Variants in AFF4 observed in about 807,000 individuals in gnomAD.
AFF4 encodes the protein ALF transcription elongation factor 4.
A neutral mutation model predicts 124.8 loss-of-function variants in AFF4; 13 were observed. That is an observed-to-expected ratio of 0.10 (90% CI 0.07 to 0.17). The LOEUF (loss-of-function observed/expected upper bound fraction) is 0.17. AFF4 is among the 10% of genes least tolerant of loss of function. The probability of loss-of-function intolerance (pLI) is 1.00; values close to 1 mark genes in which losing one functional copy is unlikely to be tolerated. For missense variants in AFF4, 1,092 were observed against 1,403.8 expected (o/e 0.78, Z 3.55); for synonymous variants, 477 against 496.1 (o/e 0.96, Z 0.51).
At chr5:132,881,331 G>A in intron 20 of AFF4, 145 bp from the exon 21 acceptor site, 1 of 847,104 alleles carries the variant, frequency 1.2e-6, no homozygotes, top group Non-Finnish European at 1.8e-6. Flanking sequence ...ATGTTTTAGA[G>A]CAAATCATTC....
In AFF4 at chr5:132,897,134, G is replaced by A. The variant is rs1271215516; in HGVS notation, c.1496C>T (p.Ser499Phe). ...ASSVDSNIPS[S>F]QGYKKEGREQ... ...TCGGCCTTCCTTTTTGTAGCCTTGAGATGATGGGATGTTACTGTCCACTGA... is the reference window on the plus strand; with the variant it reads ...TCGGCCTTCCTTTTTGTAGCCTTGAAATGATGGGATGTTACTGTCCACTGA... Residue 499 changes from serine to phenylalanine, a missense_variant, in exon 11 of 21, where the codon TCT becomes TTT. Ser to Phe is a radical substitution (Grantham distance 155). Transcript: ENST00000265343. The A allele has an allele frequency of 4.3e-6, 7 of 1,614,054 alleles. No individual in the cohort carries two copies. The highest frequency in any genetic ancestry group is 1.6e-4 in the Middle Eastern group (1 of 6,082).
At chr5:132,920,357 T>A (rs1581304899) in intron 5 of AFF4, among the ~76,000 whole-genome samples, 1 of 58,690 alleles carries the variant, frequency 1.7e-5, no homozygotes, top group Non-Finnish European at 3.0e-5. Flanking sequence ...CGGGCAAACA[T>A]TTTTTTTTTT....
chr5:132,913,325 T>C (rs997833088), intron 5 of AFF4, among the ~76,000 whole-genome samples: 27 of 152,332 alleles, frequency 1.8e-4, no homozygotes, highest in African/African-American at 6.5e-4. Context: ...TCCAAAATTA[T>C]AGTTGGAGTT....
intron 4 of AFF4, 153 bp from the exon 5 acceptor site, chr5:132,927,360 C>T: frequency 4.8e-6 from 3 of 630,086 alleles, no homozygotes; most frequent in Non-Finnish European, 8.2e-6. Flanking sequence ...CAATTGTGTG[C>T]TAGGCACTAT....
At position 132,876,413 on chromosome 5, in the gene AFF4, A is replaced by G. The variant is rs1393905485; in HGVS notation, c.*4646T>C. The G allele has an allele frequency of 4.4e-6, 1 of 225,660 alleles. No homozygotes were observed. Among genetic ancestry groups the G allele is most frequent in the African/African-American group, 2.2e-5 (1 of 44,876 alleles). The allele number at this position is 225,660 out of a possible 1,614,324, so 14.0% of individuals were successfully genotyped here. A position where few individuals can be genotyped will look rare whatever the true frequency, so the allele number is the denominator to read the frequency against. On this transcript the variant is annotated 3_prime_UTR_variant, in exon 21 of 21. Coordinates refer to ENST00000265343, the MANE Select transcript of AFF4 (RefSeq NM_014423.4). ...AGAAAATTCCAATGGTTAAAAGCTG[A>G]AAAGAAGTCCCACATGGAAGCAGTA...
At chr5:132,935,809 GC>G (rs942364389) in intron 2 of AFF4, among the ~76,000 whole-genome samples, 4 of 150,946 alleles carry the variant, frequency 2.6e-5, no homozygotes, top group African/African-American at 9.7e-5. Flanking sequence ...TGTAATCCCA[GC>G]TACTCGAGAG....
At chr5:132,884,793 T>C (rs976001812) in intron 19 of AFF4, among the ~76,000 whole-genome samples, 7 of 152,116 alleles carry the variant, frequency 4.6e-5, no homozygotes, top group African/African-American at 1.7e-4. Flanking sequence ...CTGTGATAAG[T>C]CCAAGTAACT....
chr5:132,897,380 A>G lies in AFF4; in HGVS notation c.1390-140T>C. On this transcript the variant is annotated intron_variant, in intron 10 of 20. Coordinates refer to ENST00000265343, the MANE Select transcript of AFF4 (RefSeq NM_014423.4). ...AATGGTTCTCTATGAACCAAAGCAA[A>G]GGGCTGAGTATTGACTATTAGCTCT... is the stretch of plus-strand genomic sequence containing the variant. 4.6e-6 allele frequency: 4 copies of G among 869,034 alleles called. 1 individual carries two copies. The highest frequency in any genetic ancestry group is 3.5e-5 in the South Asian group (2 of 57,686). 53.8% of individuals were successfully genotyped at this position (869,034 alleles called of 1,614,324 possible).
At chr5:132,931,403 T>C (rs1761297113) in intron 4 of AFF4, among the ~76,000 whole-genome samples, 2 of 152,090 alleles carry the variant, frequency 1.3e-5, no homozygotes, top group South Asian at 4.1e-4. Context: ...TACTCCAGAC[T>C]GGGTAACAGA....
At chr5:132,935,970 T>G (rs956545914) in intron 2 of AFF4, among the ~76,000 whole-genome samples, 5 of 151,436 alleles carry the variant, frequency 3.3e-5, no homozygotes, top group African/African-American at 1.2e-4. Flanking sequence ...AATCTGCCTT[T>G]ATAAAATTAA....
At chr5:132,960,752 CT>C in intron 1 of AFF4, among the ~76,000 whole-genome samples, 1 of 152,150 alleles carries the variant, frequency 6.6e-6, no homozygotes, top group South Asian at 2.1e-4. Flanking sequence ...CAAATTCAAT[CT>C]AGTAATTGTG....
At chr5:132,893,250 T>C (rs1760307589) in intron 11 of AFF4, 132 bp from the exon 12 acceptor site, 3 of 740,196 alleles carry the variant, frequency 4.1e-6, no homozygotes. Context: ...TATAATTCAT[T>C]TAAATAATAT....
At chr5:132,927,059 T>C in intron 5 of AFF4, 62 bp downstream of exon 5, 1 of 1,415,154 alleles carries the variant, frequency 7.1e-7, no homozygotes, top group Non-Finnish European at 9.8e-7. Context: ...TTAATCCATA[T>C]GATTTTAGTC....
At chr5:132,890,912 G>C (rs1013982120) in intron 13 of AFF4, among the ~76,000 whole-genome samples, 1 of 151,856 alleles carries the variant, frequency 6.6e-6, no homozygotes, top group Non-Finnish European at 1.5e-5. Context: ...CCTTTCTTAC[G>C]TGTGATAGAA....
chr5:132,929,364 T>A (rs1040287564), intron 4 of AFF4, among the ~76,000 whole-genome samples: 1 of 152,180 alleles, frequency 6.6e-6, no homozygotes, highest in African/African-American at 2.4e-5. Context: ...AAAATATGGA[T>A]GTCAATAACA....
At chr5:132,927,878 A>G (rs926557406) in intron 4 of AFF4, among the ~76,000 whole-genome samples, 2 of 152,216 alleles carry the variant, frequency 1.3e-5, no homozygotes, top group African/African-American at 4.8e-5. Context: ...GTTTGATTTC[A>G]TTCAATGCCT....
chr5:132,926,957 A>G, intron 5 of AFF4, 164 bp downstream of exon 5: 3 of 581,996 alleles, frequency 5.2e-6, no homozygotes, highest in Non-Finnish European at 8.9e-6. Context: ...CCTGCTAATT[A>G]TCTTCATAAC....
rs937657919 is a variant in AFF4, at chr5:132,880,640, T to C, written c.*419A>G. On this transcript the variant is annotated 3_prime_UTR_variant, in exon 21 of 21. Transcript: ENST00000265343. ...TAGGTAATAAAGCTCCCAAGGTATA[T>C]AAATAAAAATGTCTACATTAAATTT... 24 of 328,268 alleles carry C rather than the reference T, an allele frequency of 7.3e-5. No homozygotes were observed. The highest frequency in any genetic ancestry group is 4.6e-4 in the African/African-American group (22 of 47,478). 20.3% of individuals were successfully genotyped at this position (328,268 alleles called of 1,614,324 possible).
chr5:132,882,621 C>T (rs1313218436), intron 20 of AFF4, among the ~76,000 whole-genome samples: 1 of 152,118 alleles, frequency 6.6e-6, no homozygotes, highest in Non-Finnish European at 1.5e-5. Context: ...CTTTGGGAGG[C>T]TGAGATGGGC....
Sources: gnomAD v4.1 joint callset for allele counts (sites outside exome capture counted in the v4.1 genomes callset) on GRCh38, gnomAD v4.1.1 for gene constraint, MANE v1.5 for transcripts, NCBI Gene and HGNC (gene_info 2026-07-23, HGNC 2026-07-21) for gene names.